Variants in NOL4 observed in about 807,000 individuals in gnomAD.
The protein encoded by NOL4 is cancer/testis antigen 125.
Under a neutral mutation model 75.9 loss-of-function variants are expected in NOL4, and 17 were observed. The observed-to-expected ratio is 0.22, with a 90% CI of 0.15 to 0.34. The LOEUF (loss-of-function observed/expected upper bound fraction) is 0.34. Ranked by LOEUF, NOL4 falls within the 10% of genes least tolerant of loss-of-function variation. The pLI, the probability that NOL4 is intolerant of heterozygous loss-of-function variation, is 1.00. For missense variants in NOL4, 614 were observed against 793.5 expected (o/e 0.77, Z 2.72); for synonymous variants, 292 against 289.9 (o/e 1.01, Z -0.07).
chr18:34,139,254 A>G (rs1239732217), intron 1 of NOL4, among the ~76,000 whole-genome samples: 1 of 152,176 alleles, frequency 6.6e-6, no homozygotes, highest in Non-Finnish European at 1.5e-5. Context: ...AAGGAATGGT[A>G]CCAGCTCCTC....
At chr18:33,924,331 T>C (rs1369434564) in intron 9 of NOL4, among the ~76,000 whole-genome samples, 2 of 152,216 alleles carry the variant, frequency 1.3e-5, no homozygotes, top group Non-Finnish European at 2.9e-5. Flanking sequence ...GCCTACACCC[T>C]TGGTTCTGAC....
intron 3 of NOL4, 47 bp downstream of exon 3, chr18:34,105,002 T>C (rs2079204128): frequency 8.5e-7 from 1 of 1,174,992 alleles, no homozygotes; most frequent in Non-Finnish European, 1.3e-6. Context: ...CAAATGGCCA[T>C]TATGAATAAA....
At chr18:34,186,680 T>A (rs1422754675) in intron 1 of NOL4, among the ~76,000 whole-genome samples, 1 of 152,180 alleles carries the variant, frequency 6.6e-6, no homozygotes, top group African/African-American at 2.4e-5. Context: ...AACTCTTACC[T>A]GTAATAAAAT....
chr18:33,934,350 A>G (rs1485354513), intron 9 of NOL4, among the ~76,000 whole-genome samples: 1 of 152,156 alleles, frequency 6.6e-6, no homozygotes, highest in Non-Finnish European at 1.5e-5. Context: ...TAAAGTCATC[A>G]GCTGCATTAG....
intron 2 of NOL4, among the ~76,000 whole-genome samples, chr18:34,108,547 A>G (rs2079427053): frequency 6.6e-6 from 1 of 152,174 alleles, no homozygotes; most frequent in Non-Finnish European, 1.5e-5. Context: ...AGGGCTGGCT[A>G]TATTCACATC....
At chr18:33,855,812 C>T (rs967258322) in intron 10 of NOL4, among the ~76,000 whole-genome samples, 1 of 151,428 alleles carries the variant, frequency 6.6e-6, no homozygotes, top group Non-Finnish European at 1.5e-5. Flanking sequence ...TTTCATTTTA[C>T]TTCTTCATTT....
chr18:33,930,244 T>C (rs531271352), intron 9 of NOL4, among the ~76,000 whole-genome samples: 1 of 152,240 alleles, frequency 6.6e-6, no homozygotes, highest in South Asian at 2.1e-4. Context: ...GTTTATAAAA[T>C]TTCTATGTTT....
At chr18:34,019,902 C>A (rs768759828) in intron 5 of NOL4, among the ~76,000 whole-genome samples, 12 of 151,590 alleles carry the variant, frequency 7.9e-5, no homozygotes, top group Non-Finnish European at 1.6e-4. Context: ...TGGCTTGGTG[C>A]CATCCCCATG....
At chr18:33,996,582 G>A (rs2073301511) in intron 6 of NOL4, among the ~76,000 whole-genome samples, 1 of 151,720 alleles carries the variant, frequency 6.6e-6, no homozygotes, top group Non-Finnish European at 1.5e-5. Flanking sequence ...CTTCCATCTG[G>A]TATTTCCCAG....
intron 6 of NOL4, among the ~76,000 whole-genome samples, chr18:33,958,838 T>C (rs1436998686): frequency 6.6e-6 from 1 of 151,956 alleles, no homozygotes; most frequent in Non-Finnish European, 1.5e-5. Context: ...TATTACACTT[T>C]ATATAATATT....
intron 1 of NOL4, among the ~76,000 whole-genome samples, chr18:34,211,347 T>C (rs192778749): frequency 1.4e-4 from 22 of 152,302 alleles, no homozygotes; most frequent in Admixed American, 7.8e-4. Context: ...ACAATGACCA[T>C]GTAAACAGAG....
At chr18:33,966,988 T>C (rs1007223809) in intron 6 of NOL4, among the ~76,000 whole-genome samples, 2 of 152,076 alleles carry the variant, frequency 1.3e-5, no homozygotes, top group African/African-American at 4.8e-5. Context: ...ATTCTAAAAT[T>C]CATATAGAAT....
At chr18:34,145,208 G>A (rs1387314222) in intron 1 of NOL4, among the ~76,000 whole-genome samples, 1 of 151,998 alleles carries the variant, frequency 6.6e-6, no homozygotes, top group South Asian at 2.1e-4. Flanking sequence ...GGTTTTTATG[G>A]AAATTGTAAT....
intron 4 of NOL4, 46 bp from the exon 5 acceptor site, chr18:34,093,643 C>A: frequency 1.4e-6 from 2 of 1,398,276 alleles, no homozygotes; most frequent in South Asian, 2.9e-5. Context: ...ACGTATAATA[C>A]GTTTAAATAA....
chr18:34,123,152 G>A, intron 2 of NOL4, among the ~76,000 whole-genome samples: 1 of 148,584 alleles, frequency 6.7e-6, no homozygotes, highest in African/African-American at 2.5e-5. Flanking sequence ...CTACCAAGAA[G>A]ACAGCTTCTG....
intron 9 of NOL4, among the ~76,000 whole-genome samples, chr18:33,922,714 A>G (rs1399193934): frequency 6.6e-6 from 1 of 152,232 alleles, no homozygotes; most frequent in Non-Finnish European, 1.5e-5. Flanking sequence ...TGAAACTAAT[A>G]TAGTTTATGT....
chr18:33,911,706 C>T (rs2066417557), intron 9 of NOL4, among the ~76,000 whole-genome samples: 1 of 152,066 alleles, frequency 6.6e-6, no homozygotes, highest in South Asian at 2.1e-4. Flanking sequence ...ACTATAATTT[C>T]CCCCCTCTGG....
At chr18:34,014,060 T>G (rs2074541935) in intron 6 of NOL4, among the ~76,000 whole-genome samples, 1 of 151,984 alleles carries the variant, frequency 6.6e-6, no homozygotes. Flanking sequence ...TCGCTCTTAG[T>G]TTGTAAAAGA....
chr18:34,158,308 T>G (rs1209832266), intron 1 of NOL4, among the ~76,000 whole-genome samples: 1 of 151,908 alleles, frequency 6.6e-6, no homozygotes, highest in African/African-American at 2.4e-5. Flanking sequence ...TCAGGGAGAG[T>G]CTTTTTTACT....
Sources: allele counts gnomAD v4.1 joint callset (sites outside exome capture counted in the v4.1 genomes callset), GRCh38; gene constraint gnomAD v4.1.1; transcripts MANE v1.5; gene names NCBI Gene and HGNC (gene_info 2026-07-23, HGNC 2026-07-21).